The following SFTPD variants were observed in gnomAD, a reference collection of about 807,000 sequenced individuals.
SFTPD encodes the protein pulmonary surfactant-associated protein D.
In SFTPD, 18 loss-of-function variants were observed where a neutral mutation model predicts 34.6. The observed-to-expected ratio is 0.52, with a 90% CI of 0.36 to 0.77. The LOEUF is 0.77. Ranked by LOEUF, SFTPD falls within the 30% of genes least tolerant of loss-of-function variation. The probability of loss-of-function intolerance (pLI) is 0.00; values close to 1 mark genes in which losing one functional copy is unlikely to be tolerated. For synonymous variants in SFTPD, 155 were observed against 180.9 expected (o/e 0.86, Z 1.15); for missense variants, 433 against 468.9 (o/e 0.92, Z 0.71).
At chr10:79,952,429 A>G (rs1213786241), upstream of SFTPD, among the ~76,000 whole-genome samples, 1 of 152,108 alleles carries the variant, frequency 6.6e-6, no homozygotes, top group African/African-American at 2.4e-5. Flanking sequence ...CTGGTGCAGA[A>G]CCACACTCCT....
intron 7 of SFTPD, 59 bp from the exon 8 acceptor site, chr10:79,938,287 C>G: frequency 1.3e-6 from 2 of 1,492,592 alleles, no homozygotes; most frequent in Admixed American, 1.9e-5. Flanking sequence ...AGCTCAGGGG[C>G]TGTGAGACCT....
chr10:79,974,242 A>G (rs1173988960), intron 1 of SFTPD, among the ~76,000 whole-genome samples: 1 of 152,006 alleles, frequency 6.6e-6, no homozygotes, highest in Admixed American at 6.6e-5. Flanking sequence ...ATCTCGGCTC[A>G]CTGCAAGCTC....
intron 1 of SFTPD, among the ~76,000 whole-genome samples, chr10:79,946,998 C>T (rs1211246269): frequency 6.6e-6 from 1 of 152,242 alleles, no homozygotes; most frequent in Non-Finnish European, 1.5e-5. Context: ...GGCCATCTGT[C>T]ACATCAAGAA....
At chr10:79,938,852 C>T (rs1722259318) in intron 7 of SFTPD, among the ~76,000 whole-genome samples, 1 of 152,174 alleles carries the variant, frequency 6.6e-6, no homozygotes, top group Non-Finnish European at 1.5e-5. Flanking sequence ...TTAGTATGCA[C>T]ATGGATGATG....
At chr10:79,973,161 A>G (rs1842844789) in intron 1 of SFTPD, 1 of 152,250 alleles carries the variant, frequency 6.6e-6, no homozygotes, top group African/African-American at 2.4e-5. Context: ...TAGTATTAAC[A>G]TGCATATCAT....
Position 79,941,412 on chromosome 10 carries a change from T to C in SFTPD, c.653A>G (p.Glu218Gly). 6.2e-7 allele frequency: 1 copy of C among 1,614,014 alleles called. No homozygotes were observed. Among genetic ancestry groups the C allele is most frequent in the Non-Finnish European group, 8.5e-7 (1 of 1,179,938 alleles). Residue 218 changes from glutamate to glycine, a missense_variant, in exon 6 of 8, where the codon GAA (glutamate) becomes GGA (glycine). Physicochemically the swap from Glu to Gly is moderately conservative, Grantham distance 98. Transcript: ENST00000372292. ...TGCTACCTTACCTGGAAGCCCACTT[T>C]CTCCCTTTGCTCCTTTGTCTCCAGG... Reference protein sequence around the residue: ...GIPGDKGAKGESGLPDVASLR... With the variant: ...GIPGDKGAKGGSGLPDVASLR...
intron 4 of SFTPD, 42 bp from the exon 5 acceptor site, chr10:79,942,112 G>A (rs541991889): frequency 5.7e-5 from 81 of 1,413,668 alleles, no homozygotes; most frequent in Admixed American, 1.8e-4. Flanking sequence ...CTAAGAGCGC[G>A]TTCAGCAGGT....
At position 79,942,898 on chromosome 10, in the gene SFTPD, T is replaced by C. The variant is rs759130497; in HGVS notation, c.200-19A>G. 1.3e-6 allele frequency: 2 copies of C among 1,541,724 alleles called. No individual in the cohort carries two copies. The highest frequency in any genetic ancestry group is 1.8e-6 in the Non-Finnish European group (2 of 1,113,976). ...GGCAAACCTGTAGCAGCAGAAGAAA[T>C]GGACAAAGACCTGGCCCTAGACCCA... On this transcript the variant is annotated intron_variant, in intron 2 of 7. Coordinates refer to ENST00000372292, the MANE Select transcript of SFTPD (RefSeq NM_003019.5).
chr10:79,953,517 G>C (rs1245532484), upstream of SFTPD, among the ~76,000 whole-genome samples: 1 of 151,546 alleles, frequency 6.6e-6, no homozygotes, highest in Non-Finnish European at 1.5e-5. Flanking sequence ...TAGTCTTTTG[G>C]AGGTTCTCTT....
Position 79,937,885 on chromosome 10 carries a change from A to G in SFTPD, c.1095T>C (p.Cys365=), listed in dbSNP as rs1202454984. 6.4e-7 allele frequency: 1 copy of G among 1,566,240 alleles called. No homozygotes were observed. Among genetic ancestry groups the G allele is most frequent in the Non-Finnish European group, 8.7e-7 (1 of 1,151,462 alleles). ...FTNGKWNDRA[C]GEKRLVVCEF ...CGCAGACCACAAGACGCTTTTCTCC[A>G]CAAGCCCTGTCATTCCACTTGCCAT... Residue 365 remains cysteine (C), a synonymous_variant, in exon 8 of 8, where the codon TGT becomes TGC. Coordinates refer to ENST00000372292, the MANE Select transcript of SFTPD (RefSeq NM_003019.5).
chr10:79,981,186 C>T (rs966367724), intron 1 of SFTPD, among the ~76,000 whole-genome samples: 2 of 151,964 alleles, frequency 1.3e-5, no homozygotes, highest in African/African-American at 4.8e-5. Flanking sequence ...TCAATTGACA[C>T]ACTGAAGAAT....
At chr10:79,955,442 A>G (rs1481649525) in intron 1 of SFTPD, among the ~76,000 whole-genome samples, 1 of 152,114 alleles carries the variant, frequency 6.6e-6, no homozygotes, top group Admixed American at 6.6e-5. Context: ...CTGAAGTAAA[A>G]CAAAACAAAA....
chr10:79,938,828 CTCA>C (rs1842583411), intron 7 of SFTPD, among the ~76,000 whole-genome samples: 1 of 152,186 alleles, frequency 6.6e-6, no homozygotes, highest in Admixed American at 6.5e-5. Flanking sequence ...TGGGTCTGGC[CTCA>C]TGTCGGCCTC....
chr10:79,941,868 G>A (rs1842615343), intron 5 of SFTPD, 86 bp downstream of exon 5: 1 of 845,668 alleles, frequency 1.2e-6, no homozygotes, highest in Non-Finnish European at 2.0e-6. Context: ...GCCTTTGTGG[G>A]TGGTGGAGGG....
In SFTPD at chr10:79,937,766, A is replaced by G; in HGVS notation, c.*86T>C. 1 of 1,383,850 alleles carries G rather than the reference A, an allele frequency of 7.2e-7. No individual in the cohort carries two copies. 85.7% of individuals were successfully genotyped at this position (1,383,850 alleles called of 1,614,324 possible). On this transcript the variant is annotated 3_prime_UTR_variant, in exon 8 of 8. Coordinates refer to ENST00000372292, the MANE Select transcript of SFTPD (RefSeq NM_003019.5). ...TCCCGGCACAGATGGTCACCTTTTTATTAGGATATTGGCAGCATGAGGGTC... is the reference window on the plus strand; with the variant it reads ...TCCCGGCACAGATGGTCACCTTTTTGTTAGGATATTGGCAGCATGAGGGTC...
chr10:79,968,027 G>GA (rs1431508464), intron 1 of SFTPD, among the ~76,000 whole-genome samples: 1,943 of 115,418 alleles, frequency 0.017, 20 homozygotes, highest in African/African-American at 0.038. Context: ...TTATTGCTCA[G>GA]AAAAAAAAAA....
upstream of SFTPD, among the ~76,000 whole-genome samples, chr10:79,951,435 C>T (rs1350052565): frequency 6.6e-6 from 1 of 152,116 alleles, no homozygotes; most frequent in Non-Finnish European, 1.5e-5. Flanking sequence ...TGGGTCACAG[C>T]TCTGTATGAG....
chr10:79,975,079 T>C (rs115763849), intron 1 of SFTPD, among the ~76,000 whole-genome samples: 2,890 of 152,232 alleles, frequency 0.019, 100 homozygotes, highest in African/African-American at 0.066. Context: ...CAACAGGGAA[T>C]CACCAAGCCT....
chr10:79,956,975 G>T (rs1041977428), intron 1 of SFTPD, among the ~76,000 whole-genome samples: 1 of 151,432 alleles, frequency 6.6e-6, no homozygotes, highest in Non-Finnish European at 1.5e-5. Flanking sequence ...CGATCACGCA[G>T]CAGCATTTGC....
Sources: allele counts gnomAD v4.1 joint callset (sites outside exome capture counted in the v4.1 genomes callset), GRCh38; gene constraint gnomAD v4.1.1; transcripts MANE v1.5; gene names NCBI Gene and HGNC (gene_info 2026-07-23, HGNC 2026-07-21).